Variants in CADM1 observed in about 807,000 individuals in gnomAD.
CADM1 encodes cell adhesion molecule 1.
Under a neutral mutation model 53.1 loss-of-function variants are expected in CADM1, and 15 were observed. The observed-to-expected ratio is 0.28, with a 90% CI of 0.19 to 0.44. The LOEUF is 0.44. CADM1 is among the 20% of genes least tolerant of loss of function. The pLI is 1.00. For synonymous variants in CADM1, 281 were observed against 243.0 expected, an observed-to-expected ratio of 1.16 and a Z score of -1.45; for missense variants, 434 against 611.3, an observed-to-expected ratio of 0.71 and a Z score of 3.06.
At chr11:115,186,948 G>C (rs1443567451) in intron 10 of CADM1, among the ~76,000 whole-genome samples, 1 of 152,226 alleles carries the variant, frequency 6.6e-6, no homozygotes, top group Non-Finnish European at 1.5e-5. Flanking sequence ...GCTCCTGTTG[G>C]TCTTGTTCAC....
intron 1 of CADM1, among the ~76,000 whole-genome samples, chr11:115,425,328 AC>A (rs1330681075): frequency 6.6e-6 from 1 of 152,244 alleles, no homozygotes; most frequent in Admixed American, 6.5e-5. Flanking sequence ...GCAGCATTTA[AC>A]AGTGCTTCTG....
At chr11:115,467,549 G>A (rs974042105) in intron 1 of CADM1, among the ~76,000 whole-genome samples, 5 of 152,304 alleles carry the variant, frequency 3.3e-5, no homozygotes, top group African/African-American at 9.6e-5. Context: ...TCCATTCTGA[G>A]ATGCACTAGG....
chr11:115,395,794 T>C (rs1211178240), intron 1 of CADM1, among the ~76,000 whole-genome samples: 1 of 152,194 alleles, frequency 6.6e-6, no homozygotes, highest in Non-Finnish European at 1.5e-5. Flanking sequence ...TCCAACTTTT[T>C]TTAAAAAAGA....
intron 1 of CADM1, among the ~76,000 whole-genome samples, chr11:115,323,809 C>G (rs1487096295): frequency 6.6e-6 from 1 of 150,590 alleles, no homozygotes; most frequent in African/African-American, 2.4e-5. Flanking sequence ...GAGAACAAAA[C>G]AAAACGTAAA....
rs143891485 is a variant in CADM1 at position 115,270,955 on chromosome 11, ACATCT to A, written c.125-30540_125-30536del. Among the ~76,000 whole-genome samples the A allele has an allele frequency of 7.4e-3, 1,125 of 152,288 alleles. 16 individuals carry two copies. Among genetic ancestry groups the A allele is most frequent in the African/African-American group, 0.026 (1,086 of 41,550 alleles). The stretch of plus-strand genomic sequence containing the variant: ...AGTTTATTCATTAGCAGTATGAAAA[ACATCT>A]CAACACAACCACCAGATTGTGTTTG... On this transcript the variant is annotated intron_variant, in intron 1 of 11. Transcript: ENST00000331581.
chr11:115,332,387 T>A (rs143720933), intron 1 of CADM1, among the ~76,000 whole-genome samples: 1 of 152,140 alleles, frequency 6.6e-6, no homozygotes. Flanking sequence ...ACAGCCAAAG[T>A]GAAATGAAGA....
chr11:115,306,072 CCACA>C (rs6144515), intron 1 of CADM1, among the ~76,000 whole-genome samples: 35 of 130,432 alleles, frequency 2.7e-4, no homozygotes, highest in South Asian at 2.7e-3. Context: ...AGGATATATA[CCACA>C]CACACACACA....
chr11:115,504,244 G>A (rs1441601870), intron 1 of CADM1, 27 bp downstream of exon 1: 1 of 1,566,378 alleles, frequency 6.4e-7, no homozygotes, highest in South Asian at 1.2e-5. Flanking sequence ...GAGATTTAGG[G>A]GCCAACCGGT....
At chr11:115,268,008 A>G (rs191309521) in intron 1 of CADM1, among the ~76,000 whole-genome samples, 10 of 152,236 alleles carry the variant, frequency 6.6e-5, no homozygotes, top group Non-Finnish European at 1.5e-4. Context: ...GGCTCAGAGA[A>G]GCAGTGGTTT....
intron 1 of CADM1, among the ~76,000 whole-genome samples, chr11:115,391,415 G>A (rs986527232): frequency 6.6e-6 from 1 of 152,152 alleles, no homozygotes; most frequent in African/African-American, 2.4e-5. Flanking sequence ...AATGTGAATG[G>A]CCGTGGAGCA....
At chr11:115,478,098 A>G (rs1025839507) in intron 1 of CADM1, among the ~76,000 whole-genome samples, 6 of 152,234 alleles carry the variant, frequency 3.9e-5, no homozygotes, top group Non-Finnish European at 8.8e-5. Context: ...CAGTTTTAAG[A>G]AATTTCACGT....
At chr11:115,191,187 A>G (rs1939838569) in intron 9 of CADM1, 2 of 480,022 alleles carry the variant, frequency 4.2e-6, no homozygotes, top group South Asian at 5.5e-5. Context: ...CATGAAGGTG[A>G]ATGCTTAAAA....
intron 1 of CADM1, among the ~76,000 whole-genome samples, chr11:115,315,191 G>GA (rs1162574130): frequency 8.4e-4 from 128 of 151,578 alleles, no homozygotes; most frequent in Non-Finnish European, 1.8e-4. Flanking sequence ...GGGAGGAAGA[G>GA]AAAAAAAAGG....
chr11:115,417,944 T>C (rs1194177158), intron 1 of CADM1, among the ~76,000 whole-genome samples: 2 of 152,176 alleles, frequency 1.3e-5, no homozygotes, highest in Non-Finnish European at 2.9e-5. Context: ...ATCCTTATTA[T>C]ATTATAGTGT....
At chr11:115,186,707 C>T (rs955120250) in intron 10 of CADM1, among the ~76,000 whole-genome samples, 1 of 152,190 alleles carries the variant, frequency 6.6e-6, no homozygotes, top group African/African-American at 2.4e-5. Flanking sequence ...TTATCTGGCT[C>T]ATTCTCATCT....
At chr11:115,368,110 C>CTTTTTTTTTTTT (rs58589028) in intron 1 of CADM1, among the ~76,000 whole-genome samples, 1 of 61,878 alleles carries the variant, frequency 1.6e-5, no homozygotes. Context: ...TCACTAGAGT[C>CTTTTTTTTTTTT]TTTTTTTTTT....
intron 1 of CADM1, among the ~76,000 whole-genome samples, chr11:115,442,213 A>G (rs1948330574): frequency 6.6e-6 from 1 of 152,002 alleles, no homozygotes. Flanking sequence ...GCAAGGGACC[A>G]ATGAGTGAAC....
chr11:115,412,195 T>C (rs1378787796), intron 1 of CADM1, among the ~76,000 whole-genome samples: 1 of 152,136 alleles, frequency 6.6e-6, no homozygotes, highest in Non-Finnish European at 1.5e-5. Flanking sequence ...TAAAAAATTA[T>C]TTTGAATCTG....
Position 115,173,713 on chromosome 11 carries a change from T to A in CADM1, c.*2761A>T. Reference sequence around the variant, plus strand: ...TCTTTTTTTTTTTGTAAAAATGGTATACATGAACCAATACAAAATGCGAAT... The same window carrying A: ...TCTTTTTTTTTTTGTAAAAATGGTAAACATGAACCAATACAAAATGCGAAT... On this transcript the variant is annotated 3_prime_UTR_variant, in exon 12 of 12. Coordinates refer to ENST00000331581, the MANE Select transcript of CADM1 (RefSeq NM_001301043.2). 1 of 686,480 alleles carries A rather than the reference T, an allele frequency of 1.5e-6. No individual in the cohort carries two copies. The highest frequency in any genetic ancestry group is 1.8e-6 in the Non-Finnish European group (1 of 556,998). 42.5% of individuals were successfully genotyped at this position (686,480 alleles called of 1,614,324 possible).
Sources: gnomAD v4.1 joint callset for allele counts (sites outside exome capture counted in the v4.1 genomes callset) on GRCh38, gnomAD v4.1.1 for gene constraint, MANE v1.5 for transcripts, NCBI Gene and HGNC (gene_info 2026-07-23, HGNC 2026-07-21) for gene names.